The following ASH1L variants were observed in gnomAD, a reference collection of about 807,000 sequenced individuals.
The protein encoded by ASH1L is histone-lysine N-methyltransferase ASH1L.
In ASH1L, 23 loss-of-function variants were observed where a neutral mutation model predicts 269.0. That is an observed-to-expected ratio of 0.09 (90% CI 0.06 to 0.12). The LOEUF is 0.12. ASH1L is among the 10% of genes least tolerant of loss of function. The probability of loss-of-function intolerance (pLI) is 1.00; values close to 1 mark genes in which losing one functional copy is unlikely to be tolerated. For synonymous variants in ASH1L, 1,187 were observed against 1,253.5 expected, an observed-to-expected ratio of 0.95 and a Z score of 1.12; for missense variants, 2,912 against 3,567.8, an observed-to-expected ratio of 0.82 and a Z score of 4.68.
chr1:155,492,268 G>A (rs990251138), intron 2 of ASH1L, among the ~76,000 whole-genome samples: 4 of 149,628 alleles, frequency 2.7e-5, no homozygotes, highest in South Asian at 2.1e-4. Context: ...GGCTGGTCTC[G>A]AACTCCCAAC....
At position 155,392,730 on chromosome 1, in the gene ASH1L, C is replaced by A. The variant is rs139236027; in HGVS notation, c.6103+2729G>T. The stretch of plus-strand genomic sequence containing the variant: ...TCTTGAACTCCTGACCTCAGGTGAT[C>A]CACCTGCCTCGGCCTCCCAAAGTGC... On this transcript the variant is annotated intron_variant, in intron 7 of 27. Transcript: ENST00000392403. 5.3e-5 allele frequency among the ~76,000 whole-genome samples: 8 copies of A among 152,228 alleles called. No individual in the cohort carries two copies. In the East Asian group the frequency reaches 1.5e-3, roughly 29 times the overall value.
intron 3 of ASH1L, among the ~76,000 whole-genome samples, chr1:155,466,863 A>G (rs1382406545): frequency 6.6e-6 from 1 of 152,230 alleles, no homozygotes; most frequent in East Asian, 1.9e-4. Context: ...GTTTGAGATC[A>G]GTATATTCTG....
chr1:155,400,329 C>CAA (rs746649436), intron 6 of ASH1L, among the ~76,000 whole-genome samples: 14 of 105,190 alleles, frequency 1.3e-4, no homozygotes, highest in African/African-American at 2.8e-4. Context: ...GAGACTGTCT[C>CAA]AAAAAAAAAA....
intron 7 of ASH1L, among the ~76,000 whole-genome samples, chr1:155,382,193 A>C (rs1255601731): frequency 1.3e-5 from 2 of 148,226 alleles, no homozygotes; most frequent in Non-Finnish European, 3.0e-5. Context: ...AACGACACAG[A>C]CTCTGTCTCA....
At chr1:155,537,799 T>C (rs1192539746) in intron 1 of ASH1L, among the ~76,000 whole-genome samples, 2 of 151,948 alleles carry the variant, frequency 1.3e-5, no homozygotes, top group African/African-American at 4.8e-5. Flanking sequence ...TAAACTTCTG[T>C]CCTTCAAAAA....
chr1:155,439,182 A>G (rs546858276), intron 4 of ASH1L, 114 bp from the exon 5 acceptor site: 2 of 1,117,628 alleles, frequency 1.8e-6, no homozygotes, highest in Non-Finnish European at 2.5e-6. Flanking sequence ...AAGATTACAC[A>G]TCATAGGTAA....
chr1:155,395,620 A>C (rs1278086296), intron 6 of ASH1L, 67 bp from the exon 7 acceptor site: 3 of 1,093,654 alleles, frequency 2.7e-6, no homozygotes, highest in Non-Finnish European at 4.0e-6. Flanking sequence ...TCAAATACAG[A>C]TAACAGATCA....
At chr1:155,465,314 A>C (rs1284763170) in intron 3 of ASH1L, among the ~76,000 whole-genome samples, 1 of 141,814 alleles carries the variant, frequency 7.1e-6, no homozygotes, top group African/African-American at 2.6e-5. Flanking sequence ...AAAAAAAAAC[A>C]GTGAATTAAA....
At chr1:155,491,953 G>GT (rs1420426120) in intron 2 of ASH1L, among the ~76,000 whole-genome samples, 4 of 151,318 alleles carry the variant, frequency 2.6e-5, no homozygotes, top group Non-Finnish European at 5.9e-5. Context: ...GATTACAGGC[G>GT]TGAGTCACCG....
intron 2 of ASH1L, among the ~76,000 whole-genome samples, chr1:155,497,750 TC>T (rs1426548912): frequency 0.01 from 1,573 of 151,264 alleles, 40 homozygotes; most frequent in African/African-American, 0.037. Flanking sequence ...AGAAGAAAAT[TC>T]TTTTTTTTTT....
chr1:155,379,594 A>G (rs140272968), intron 8 of ASH1L, among the ~76,000 whole-genome samples: 85 of 152,324 alleles, frequency 5.6e-4, no homozygotes, highest in Non-Finnish European at 1.1e-3. Context: ...TTAAAAGTGC[A>G]AGAGTGTTAA....
At chr1:155,395,077 C>T (rs116182561) in intron 7 of ASH1L, among the ~76,000 whole-genome samples, 281 of 152,230 alleles carry the variant, frequency 1.8e-3, no homozygotes, top group African/African-American at 6.6e-3. Flanking sequence ...GCTGGGACTA[C>T]AGACCTGTGC....
intron 6 of ASH1L, among the ~76,000 whole-genome samples, chr1:155,412,743 C>T (rs138146709): frequency 6.6e-6 from 1 of 152,162 alleles, no homozygotes; most frequent in East Asian, 1.9e-4. Flanking sequence ...GGGAGGGTGG[C>T]GGTCTTGGGA....
rs149436342 is a variant in ASH1L at position 155,437,389 on chromosome 1, A to G, written c.5828+938T>C. Among the ~76,000 whole-genome samples, 501 of 152,308 alleles carry G rather than the reference A, an allele frequency of 3.3e-3. 3 individuals are homozygous for G. Among genetic ancestry groups the G allele is most frequent in the African/African-American group, 0.012 (484 of 41,564 alleles). ...TTAGGGAACAGCAAATTAAAACTAC[A>G]ATGAGATACCCATCTCATACTCATT... On this transcript the variant is annotated intron_variant, in intron 5 of 27. Transcript: ENST00000392403.
chr1:155,540,977 G>A (rs1049364213), intron 1 of ASH1L, among the ~76,000 whole-genome samples: 2 of 151,972 alleles, frequency 1.3e-5, no homozygotes, highest in African/African-American at 4.8e-5. Context: ...TTCCCTCGGG[G>A]AGACATTTCC....
At chr1:155,492,881 G>C (rs1558163682) in intron 2 of ASH1L, among the ~76,000 whole-genome samples, 1 of 151,990 alleles carries the variant, frequency 6.6e-6, no homozygotes, top group Non-Finnish European at 1.5e-5. Flanking sequence ...CTAGAGTGCA[G>C]TGTCAATCTC....
At chr1:155,357,877 C>T in intron 13 of ASH1L, 128 bp from the exon 14 acceptor site, 1 of 845,302 alleles carries the variant, frequency 1.2e-6, no homozygotes, top group Admixed American at 3.1e-5. Context: ...CTCAACTGAT[C>T]CTCCTATCTC....
intron 1 of ASH1L, among the ~76,000 whole-genome samples, chr1:155,546,714 C>T (rs1364836196): frequency 2.0e-5 from 3 of 151,230 alleles, no homozygotes; most frequent in African/African-American, 4.9e-5. Context: ...GCTGAGATCA[C>T]GCCACTACAC....
rs1665687957 is a variant in ASH1L, at chr1:155,478,028, G to A, written c.4842C>T (p.Cys1614=). ...CACTGGAGTTAGGGTTTGAAACTCT[G>A]CAGCTGCCTATTGCACTTGTGAAAA... ...TNLFTSAIGS[C]RVSNPNSSGR... is the part of the protein sequence containing the mutation. Residue 1614 remains cysteine, a synonymous_variant, in exon 3 of 28, where the codon TGC becomes TGT. Transcript: ENST00000392403. This position sits in a 1 kb window ranked among gnomAD's most constrained non-coding sequence, Gnocchi z 4.6. 18 of 1,614,180 alleles carry A rather than the reference G, an allele frequency of 1.1e-5. No homozygotes were observed. The highest frequency in any genetic ancestry group is 1.4e-5 in the Non-Finnish European group (17 of 1,180,032).
Sources: gnomAD v4.1 joint callset for allele counts (sites outside exome capture counted in the v4.1 genomes callset) on GRCh38, gnomAD v4.1.1 for gene constraint, Gnocchi (gnomAD v3.1) non-coding constraint, MANE v1.5 for transcripts, NCBI Gene and HGNC (gene_info 2026-07-23, HGNC 2026-07-21) for gene names.